Variants in MBOAT2 observed in about 807,000 individuals in gnomAD.
The protein encoded by MBOAT2 is membrane bound glycerophospholipid O-acyltransferase 2.
In MBOAT2, 28 loss-of-function variants were observed where a neutral mutation model predicts 63.4. That is an observed-to-expected ratio of 0.44 (90% CI 0.33 to 0.61). The LOEUF (loss-of-function observed/expected upper bound fraction) is 0.61. Ranked by LOEUF, MBOAT2 falls within the 20% of genes least tolerant of loss-of-function variation. The pLI is 0.03. For missense variants in MBOAT2, 470 were observed against 605.8 expected (o/e 0.78, Z 2.35); for synonymous variants, 211 against 215.6 (o/e 0.98, Z 0.19).
At chr2:8,977,683 C>T (rs1670916917) in intron 1 of MBOAT2, among the ~76,000 whole-genome samples, 3 of 152,146 alleles carry the variant, frequency 2.0e-5, no homozygotes, top group Admixed American at 6.6e-5. Context: ...CTCTGATGAA[C>T]TTCAGACATT....
At chr2:8,874,608 G>A (rs186658829) in intron 7 of MBOAT2, among the ~76,000 whole-genome samples, 42 of 152,288 alleles carry the variant, frequency 2.8e-4, no homozygotes, top group African/African-American at 9.9e-4. Context: ...ATCCTGAGAG[G>A]TGATATCCTC....
intron 3 of MBOAT2, among the ~76,000 whole-genome samples, chr2:8,913,100 C>A (rs544910297): frequency 1.3e-5 from 2 of 152,194 alleles, no homozygotes; most frequent in East Asian, 3.9e-4. Context: ...GGAAAGGACA[C>A]CCTTTTCAAC....
At chr2:8,978,288 G>T (rs1049729416) in intron 1 of MBOAT2, among the ~76,000 whole-genome samples, 1 of 152,022 alleles carries the variant, frequency 6.6e-6, no homozygotes, top group African/African-American at 2.4e-5. Flanking sequence ...AATGCACACA[G>T]ATGTTTCACC....
chr2:8,928,577 T>A (rs1667092714), intron 3 of MBOAT2, among the ~76,000 whole-genome samples: 1 of 152,238 alleles, frequency 6.6e-6, no homozygotes, highest in South Asian at 2.1e-4. Context: ...CATTGATATA[T>A]ACCATATTAC....
chr2:8,979,350 TTTTTAGAG>T (rs1282039583), intron 1 of MBOAT2, among the ~76,000 whole-genome samples: 2 of 152,266 alleles, frequency 1.3e-5, no homozygotes, highest in East Asian at 1.9e-4. Context: ...TTATTTTTCT[TTTTTAGAG>T]TTTTAAAGTT....
chr2:8,914,489 G>GA (rs572618785), intron 3 of MBOAT2, among the ~76,000 whole-genome samples: 791 of 133,864 alleles, frequency 5.9e-3, no homozygotes, highest in Non-Finnish European at 8.0e-3. Context: ...GAGAGTTCAG[G>GA]AAAAAAAAAA....
chr2:8,985,432 C>A (rs1671502144), intron 1 of MBOAT2, among the ~76,000 whole-genome samples: 1 of 152,160 alleles, frequency 6.6e-6, no homozygotes. Context: ...TACCGGAACT[C>A]CAGACTCACA....
At chr2:8,896,569 T>G (rs1336997218) in intron 4 of MBOAT2, among the ~76,000 whole-genome samples, 1 of 152,248 alleles carries the variant, frequency 6.6e-6, no homozygotes, top group East Asian at 1.9e-4. Context: ...CAAAATTTAC[T>G]TTAGTTGAAA....
chr2:8,888,117 TA>T (rs771855964), intron 4 of MBOAT2, 44 bp from the exon 5 acceptor site: 2 of 1,537,394 alleles, frequency 1.3e-6, no homozygotes, highest in East Asian at 4.5e-5. Context: ...AGAAGAAAGT[TA>T]AAACAATACT....
At chr2:8,956,334 C>T (rs975528466) in intron 2 of MBOAT2, among the ~76,000 whole-genome samples, 4 of 152,070 alleles carry the variant, frequency 2.6e-5, no homozygotes, top group African/African-American at 4.8e-5. Context: ...ATAAACAATC[C>T]GTCTTTCCAA....
chr2:8,975,388 G>C (rs559197585), intron 1 of MBOAT2, among the ~76,000 whole-genome samples: 1 of 152,140 alleles, frequency 6.6e-6, no homozygotes, highest in African/African-American at 2.4e-5. Context: ...CTTTTTGATT[G>C]TGAGCTTCTG....
intron 4 of MBOAT2, among the ~76,000 whole-genome samples, chr2:8,895,654 C>T (rs1271535074): frequency 1.4e-5 from 2 of 147,244 alleles, no homozygotes; most frequent in Non-Finnish European, 3.0e-5. Flanking sequence ...AACAGGACAC[C>T]CAACTGCTAT....
Position 8,954,028 on chromosome 2 carries a change from C to T in MBOAT2, c.221+4469G>A, listed in dbSNP as rs985097360. Reference sequence around the variant, plus strand: ...CTTGCACTGGTTCTAGAGATGCTGGCACTTCTAATTTTTTAATTATTTTCA... The same window carrying T: ...CTTGCACTGGTTCTAGAGATGCTGGTACTTCTAATTTTTTAATTATTTTCA... On this transcript the variant is annotated intron_variant, in intron 2 of 12. Transcript: ENST00000305997. 3.9e-5 allele frequency among the ~76,000 whole-genome samples: 6 copies of T among 152,340 alleles called. No individual in the cohort carries two copies. The East Asian group carries it at 1.2e-3, about 29-fold the overall frequency.
At chr2:8,970,447 CA>C (rs1670366360) in intron 1 of MBOAT2, among the ~76,000 whole-genome samples, 1 of 152,116 alleles carries the variant, frequency 6.6e-6, no homozygotes, top group Non-Finnish European at 1.5e-5. Flanking sequence ...ACCCTAACAT[CA>C]CAATTAAAAG....
At chr2:8,891,382 C>A (rs1014827376) in intron 4 of MBOAT2, among the ~76,000 whole-genome samples, 3 of 152,260 alleles carry the variant, frequency 2.0e-5, no homozygotes, top group Non-Finnish European at 4.4e-5. Flanking sequence ...TCCAACGCAG[C>A]AGGTATATGG....
At chr2:8,972,437 C>T (rs1670519542) in intron 1 of MBOAT2, among the ~76,000 whole-genome samples, 1 of 152,082 alleles carries the variant, frequency 6.6e-6, no homozygotes, top group Non-Finnish European at 1.5e-5. Flanking sequence ...CTAGGCAATA[C>T]CATTCAGGAC....
chr2:8,894,845 T>C (rs960769008), intron 4 of MBOAT2, among the ~76,000 whole-genome samples: 1 of 152,202 alleles, frequency 6.6e-6, no homozygotes, highest in Non-Finnish European at 1.5e-5. Context: ...ACGGTGAGTG[T>C]TACAGCTCTT....
At chr2:8,909,318 T>C (rs1195912401) in intron 3 of MBOAT2, among the ~76,000 whole-genome samples, 2 of 152,112 alleles carry the variant, frequency 1.3e-5, no homozygotes, top group South Asian at 2.1e-4. Flanking sequence ...ATATTTAACA[T>C]TGAATAGGAT....
intron 8 of MBOAT2, among the ~76,000 whole-genome samples, chr2:8,872,203 T>C (rs965051931): frequency 6.6e-6 from 1 of 152,216 alleles, no homozygotes; most frequent in African/African-American, 2.4e-5. Flanking sequence ...TCTTTGCTCA[T>C]GAGTGCAAAA....
Sources: allele counts gnomAD v4.1 joint callset (sites outside exome capture counted in the v4.1 genomes callset), GRCh38; gene constraint gnomAD v4.1.1; transcripts MANE v1.5; gene names NCBI Gene and HGNC (gene_info 2026-07-23, HGNC 2026-07-21).